FBXW7: variants seen among roughly 807,000 people sequenced by gnomAD.
FBXW7 encodes F-box and WD repeat domain containing 7.
FBXW7 carries 11 observed loss-of-function variants against 86.3 expected under a neutral mutation model. The observed-to-expected ratio is 0.13, with a 90% confidence interval of 0.08 to 0.21. The LOEUF (loss-of-function observed/expected upper bound fraction) is 0.21, where lower values mean the gene tolerates loss of function less well. Among genes scored for constraint, FBXW7 ranks in the 10% least tolerant of loss-of-function variants. The probability of loss-of-function intolerance (pLI) is 1.00; values close to 1 mark genes in which losing one functional copy is unlikely to be tolerated. For missense variants in FBXW7, 488 were observed against 847.4 expected (o/e 0.58, Z 5.27); for synonymous variants, 313 against 297.9 (o/e 1.05, Z -0.52).
chr4:152,506,823 A>G (rs910500343), intron 2 of FBXW7, among the ~76,000 whole-genome samples: 1 of 152,334 alleles, frequency 6.6e-6, no homozygotes, highest in East Asian at 1.9e-4. Context: ...ACCAGTTCCA[A>G]TGTGAGGCTG....
At chr4:152,497,343 CCA>C (rs753468896) in intron 2 of FBXW7, among the ~76,000 whole-genome samples, 2,120 of 86,638 alleles carry the variant, frequency 0.024, 32 homozygotes, top group Middle Eastern at 0.053. Flanking sequence ...AAAAAAAAAA[CCA>C]CACACACACA....
At position 152,322,983 on chromosome 4, in the gene FBXW7, C is replaced by T. The variant is rs770349201; in HGVS notation, c.2022G>A (p.Arg674=). ...CCAGCTTTGTGTTTGAGGCTCTGAT[C>T]CGCCACACAACTCCCCCACTCCCCC... The part of the protein sequence containing the change: ...ESGGSGGVVW[R]IRASNTKLVC... Residue 674 remains arginine, a synonymous_variant, in exon 14 of 14, where the codon CGG becomes CGA. Coordinates refer to ENST00000281708, the MANE Select transcript of FBXW7 (RefSeq NM_001349798.2). 1 of 1,613,760 alleles carries T rather than the reference C, an allele frequency of 6.2e-7. No homozygotes were observed. The highest frequency in any genetic ancestry group is 8.5e-7 in the Non-Finnish European group (1 of 1,179,826).
At chr4:152,329,587 A>G in intron 10 of FBXW7, 85 bp downstream of exon 10, 1 of 625,788 alleles carries the variant, frequency 1.6e-6, no homozygotes, top group Non-Finnish European at 2.7e-6. Context: ...TCAAAAATGA[A>G]TTATTGTTTT....
intron 2 of FBXW7, among the ~76,000 whole-genome samples, chr4:152,443,154 C>T (rs975479126): frequency 2.6e-5 from 4 of 151,970 alleles, no homozygotes; most frequent in East Asian, 1.9e-4. Context: ...CCCAGCTACT[C>T]GGGAGGCAGA....
At position 152,329,688 on chromosome 4, in the gene FBXW7, G is replaced by A; in HGVS notation, c.1220C>T (p.Ser407Leu). 1 of 1,574,088 alleles carries A rather than the reference G, an allele frequency of 6.4e-7. No individual in the cohort carries two copies. The highest frequency in any genetic ancestry group is 8.6e-7 in the Non-Finnish European group (1 of 1,162,720). The change falls in exon 10 of 14, where the codon TCA becomes TTA. Residue 407 changes from serine to leucine, a missense_variant. Around this residue, in one of 4 missense-constraint regions of FBXW7, gnomAD observed 142 missense variants for 406.6 expected, o/e 0.35. Coordinates refer to ENST00000281708, the MANE Select transcript of FBXW7 (RefSeq NM_001349798.2). ...TAAACTTACTTTGCCTGTGACTGCT[G>A]ACCAAACTTTTAAAGTGTTGTCATC... Reference protein sequence around the residue: ...GSDDNTLKVWSAVTGKCLRTL... With the variant: ...GSDDNTLKVWLAVTGKCLRTL...
intron 2 of FBXW7, among the ~76,000 whole-genome samples, chr4:152,478,112 A>G (rs750463162): frequency 6.6e-6 from 1 of 152,128 alleles, no homozygotes; most frequent in Non-Finnish European, 1.5e-5. Context: ...CCATTTTTAA[A>G]TGGACAATTC....
At chr4:152,479,481 A>G (rs1336069419) in intron 2 of FBXW7, among the ~76,000 whole-genome samples, 4 of 152,128 alleles carry the variant, frequency 2.6e-5, no homozygotes, top group Non-Finnish European at 5.9e-5. Flanking sequence ...TCTCGCACAC[A>G]CACATATCTT....
Position 152,416,691 on chromosome 4 carries a change from T to C in FBXW7, c.-119-4162A>G, listed in dbSNP as rs569738831. 1.5e-4 allele frequency among the ~76,000 whole-genome samples: 23 copies of C among 152,286 alleles called. No homozygotes were observed. The South Asian group carries it at 2.9e-3, about 19-fold the overall frequency. ...GTGTCATCATATACACAGAAAGTAA[T>C]TGATAAAGTTTTATGGATGTACACT... On this transcript the variant is annotated intron_variant, in intron 2 of 13. Transcript: ENST00000281708.
chr4:152,461,667 A>G (rs1345322979), intron 2 of FBXW7, among the ~76,000 whole-genome samples: 1 of 152,264 alleles, frequency 6.6e-6, no homozygotes, highest in Non-Finnish European at 1.5e-5. Context: ...AAAATGAGTC[A>G]TATTTCCACT....
chr4:152,489,459 C>A (rs574072932), intron 2 of FBXW7: 1 of 152,846 alleles, frequency 6.5e-6, no homozygotes, highest in South Asian at 2.1e-4. Context: ...CATTCATACT[C>A]AGTATAACTA....
intron 2 of FBXW7, among the ~76,000 whole-genome samples, chr4:152,453,167 G>C (rs897887504): frequency 6.6e-6 from 1 of 152,198 alleles, no homozygotes; most frequent in Non-Finnish European, 1.5e-5. Flanking sequence ...CTGGGCAACA[G>C]AGTGAGACTG....
At chr4:152,444,907 G>GC (rs1244058879) in intron 2 of FBXW7, among the ~76,000 whole-genome samples, 1 of 152,130 alleles carries the variant, frequency 6.6e-6, no homozygotes, top group Non-Finnish European at 1.5e-5. Context: ...TAATAGCTCA[G>GC]CTCACTGCAG....
At chr4:152,497,332 A>G (rs1352403660) in intron 2 of FBXW7, among the ~76,000 whole-genome samples, 1 of 140,244 alleles carries the variant, frequency 7.1e-6, no homozygotes, top group East Asian at 2.1e-4. Flanking sequence ...AAAAAAAAAA[A>G]AAAAAAAAAA....
intron 2 of FBXW7, among the ~76,000 whole-genome samples, chr4:152,431,809 A>T (rs1220655384): frequency 3.3e-5 from 5 of 152,250 alleles, no homozygotes; most frequent in Non-Finnish European, 5.9e-5. Context: ...ATGATTACTA[A>T]GATGGGAATC....
intron 4 of FBXW7, among the ~76,000 whole-genome samples, chr4:152,397,400 A>G (rs1267484622): frequency 6.6e-6 from 1 of 151,716 alleles, no homozygotes; most frequent in Admixed American, 6.6e-5. Flanking sequence ...GAGCCAGCAC[A>G]ATGTTTTTCT....
rs376693393 is a variant in FBXW7 at position 152,520,023 on chromosome 4, A to G, written c.-120+14918T>C. On this transcript the variant is annotated intron_variant, in intron 2 of 13. Transcript: ENST00000281708. ...TAGGACAGTTCCTGACATACAGTAA[A>G]CATTCAATACATGGTAATAATAATG... Among the ~76,000 whole-genome samples the G allele has an allele frequency of 3.5e-4, 53 of 152,352 alleles. 1 individual carries two copies. The highest frequency in any genetic ancestry group is 1.3e-3 in the African/African-American group (52 of 41,584).
At chr4:152,433,482 T>C (rs1740093320) in intron 2 of FBXW7, among the ~76,000 whole-genome samples, 1 of 152,246 alleles carries the variant, frequency 6.6e-6, no homozygotes. Context: ...GACTTCTTCA[T>C]GTATTAACCC....
intron 2 of FBXW7, among the ~76,000 whole-genome samples, chr4:152,422,329 T>C (rs998605826): frequency 6.6e-6 from 1 of 152,214 alleles, no homozygotes; most frequent in African/African-American, 2.4e-5. Context: ...CCCAAATCTG[T>C]TGAGTTTCCC....
chr4:152,477,877 T>G (rs956405774), intron 2 of FBXW7, among the ~76,000 whole-genome samples: 4 of 152,140 alleles, frequency 2.6e-5, no homozygotes, highest in African/African-American at 9.6e-5. Context: ...ATAAATAACA[T>G]GATATGAGAG....
Sources: allele counts gnomAD v4.1 joint callset (sites outside exome capture counted in the v4.1 genomes callset), GRCh38; gene constraint gnomAD v4.1.1; regional missense constraint gnomAD v4.1.1; transcripts MANE v1.5; gene names NCBI Gene and HGNC (gene_info 2026-07-23, HGNC 2026-07-21).